The following FLT3 variants were observed in gnomAD, a reference collection of about 807,000 sequenced individuals.
The protein encoded by FLT3 is receptor-type tyrosine-protein kinase FLT3.
FLT3 carries 46 observed loss-of-function variants against 126.6 expected under a neutral mutation model. The observed-to-expected ratio is 0.36, with a 90% CI of 0.29 to 0.46. The LOEUF (loss-of-function observed/expected upper bound fraction) is 0.46, where lower values mean the gene tolerates loss of function less well. Among genes scored for constraint, FLT3 ranks in the 20% least tolerant of loss-of-function variants. The pLI, the probability that FLT3 is intolerant of heterozygous loss-of-function variation, is 1.00. For missense variants in FLT3, 1,069 were observed against 1,190.3 expected, an observed-to-expected ratio of 0.90 and a Z score of 1.50; for synonymous variants, 404 against 434.4, an observed-to-expected ratio of 0.93 and a Z score of 0.87.
intron 4 of FLT3, among the ~76,000 whole-genome samples, chr13:28,053,136 A>C (rs1297708170): frequency 6.6e-6 from 1 of 151,050 alleles, no homozygotes; most frequent in Non-Finnish European, 1.5e-5. Context: ...TTGCAACAGA[A>C]CTTAAGAGGT....
At chr13:28,018,071 A>G (rs912476681) in intron 20 of FLT3, among the ~76,000 whole-genome samples, 1 of 152,226 alleles carries the variant, frequency 6.6e-6, no homozygotes, top group Non-Finnish European at 1.5e-5. Context: ...TATGTGCTAT[A>G]TATGTTTTAA....
At chr13:28,030,493 C>T (rs1361279998) in intron 15 of FLT3, among the ~76,000 whole-genome samples, 3 of 152,112 alleles carry the variant, frequency 2.0e-5, no homozygotes, top group Non-Finnish European at 4.4e-5. Flanking sequence ...AGACACAACC[C>T]TTGTCTTCCT....
chr13:28,036,003 C>T lies in FLT3; in HGVS notation c.1350G>A (p.Ala450=), dbSNP rs139619024. 29 of 1,614,026 alleles carry T rather than the reference C, an allele frequency of 1.8e-5. No individual in the cohort carries two copies. Among genetic ancestry groups the T allele is most frequent in the Admixed American group, 6.7e-5 (4 of 59,990 alleles). ...QVLAEASASQ[A]SCFSDGYPLP... is the part of the protein sequence containing the mutation. ...ATGGGTATCCATCCGAGAAACAGGA[C>T]GCCTGACTTGCCGATGCTTCTGCGA... The change falls in exon 11 of 24, where the codon GCG becomes GCA. Residue 450 remains alanine, a synonymous_variant. Coordinates refer to ENST00000241453, the MANE Select transcript of FLT3 (RefSeq NM_004119.3).
At chr13:28,081,832 T>C (rs1878334155) in intron 1 of FLT3, among the ~76,000 whole-genome samples, 3 of 150,150 alleles carry the variant, frequency 2.0e-5, no homozygotes, top group Non-Finnish European at 1.5e-5. Context: ...CTTTGATTTT[T>C]TTACTTTGAT....
intron 1 of FLT3, among the ~76,000 whole-genome samples, chr13:28,071,983 T>C (rs978655775): frequency 2.6e-5 from 4 of 152,184 alleles, no homozygotes; most frequent in African/African-American, 9.6e-5. Flanking sequence ...CTTTATCTGC[T>C]TTAAAGCTCT....
rs35243277 is a variant in FLT3 at position 28,081,844 on chromosome 13, C to CTTTTTTTTTTTTTTTTTTTTTTTT, written c.44-11256_44-11233dup. Among the ~76,000 whole-genome samples, 5 of 64,988 alleles carry CTTTTTTTTTTTTTTTTTTTTTTTT rather than the reference C, an allele frequency of 7.7e-5. 1 individual carries two copies. The highest frequency in any genetic ancestry group is 2.8e-4 in the African/African-American group (4 of 14,412). The allele number at this position is 64,988 out of a possible 152,430, so 42.6% of individuals were successfully genotyped here. On this transcript the variant is annotated intron_variant, in intron 1 of 23. Transcript: ENST00000241453. ...TTACTTTGATTTTTTTACTTTGATT[C>CTTTTTTTTTTTTTTTTTTTTTTTT]TTTTTTTTTTTTTTTTTTTTTTTTT...
intron 1 of FLT3, among the ~76,000 whole-genome samples, chr13:28,076,940 C>T (rs928956634): frequency 8.8e-6 from 1 of 113,506 alleles, no homozygotes; most frequent in African/African-American, 3.3e-5. Flanking sequence ...GGTGACAGAG[C>T]AAGAGGGAAG....
At chr13:28,070,442 C>A in intron 2 of FLT3, 49 bp downstream of exon 2, 1 of 1,532,434 alleles carries the variant, frequency 6.5e-7, no homozygotes, top group Non-Finnish European at 9.0e-7. Context: ...TTACAAATTA[C>A]GTTCTCTAGA....
chr13:28,081,844 C>CTTTTTTTTTT lies in FLT3; in HGVS notation c.44-11242_44-11233dup, dbSNP rs35243277. ...TTACTTTGATTTTTTTACTTTGATT[C>CTTTTTTTTTT]TTTTTTTTTTTTTTTTTTTTTTTTT... On this transcript the variant is annotated intron_variant, in intron 1 of 23. Transcript: ENST00000241453. Among the ~76,000 whole-genome samples, 88 of 64,988 alleles carry CTTTTTTTTTT rather than the reference C, an allele frequency of 1.4e-3. 14 individuals carry two copies. Among genetic ancestry groups the CTTTTTTTTTT allele is most frequent in the African/African-American group, 4.6e-3 (66 of 14,412 alleles). 42.6% of individuals were successfully genotyped at this position (64,988 alleles called of 152,430 possible).
chr13:28,086,664 T>C (rs1200229341), intron 1 of FLT3, among the ~76,000 whole-genome samples: 2 of 112,506 alleles, frequency 1.8e-5, no homozygotes, highest in African/African-American at 7.7e-5. Context: ...GTGTGTGTGT[T>C]TGAGATGGAG....
At chr13:28,082,466 T>A (rs546443195) in intron 1 of FLT3, among the ~76,000 whole-genome samples, 4 of 152,040 alleles carry the variant, frequency 2.6e-5, no homozygotes, top group African/African-American at 9.6e-5. Context: ...CCTAGTCTTT[T>A]ATTTTTTGTT....
chr13:28,028,210 A>G lies in FLT3; in HGVS notation c.2021T>C (p.Ile674Thr), dbSNP rs748106520. ...MMTQLGSHEN[I>T]VNLLGACTLS... ...TGTGCACGCCCCCAGCAGGTTCACA[A>G]TATTCTCGTGGCTTCCCAGCTGGGT... Residue 674 changes from isoleucine (I) to threonine (T), a missense_variant, in exon 16 of 24, where the codon ATT becomes ACT. Ile to Thr is a moderately conservative substitution (Grantham distance 89). Coordinates refer to ENST00000241453, the MANE Select transcript of FLT3 (RefSeq NM_004119.3). The G allele has an allele frequency of 1.9e-6, 3 of 1,610,426 alleles. No homozygotes were observed. Among genetic ancestry groups the G allele is most frequent in the African/African-American group, 1.3e-5 (1 of 74,834 alleles).
At chr13:28,043,657 T>A (rs1874585532) in intron 9 of FLT3, among the ~76,000 whole-genome samples, 1 of 152,236 alleles carries the variant, frequency 6.6e-6, no homozygotes, top group Non-Finnish European at 1.5e-5. Context: ...TATTTCAACT[T>A]ATTAGTAAAT....
At chr13:28,011,217 T>C (rs1225015478) in intron 23 of FLT3, among the ~76,000 whole-genome samples, 1 of 144,566 alleles carries the variant, frequency 6.9e-6, no homozygotes, top group East Asian at 2.1e-4. Flanking sequence ...GGCTGAGGCA[T>C]AAGAATTGCT....
At chr13:28,008,017 T>C (rs1871060244) in intron 23 of FLT3, among the ~76,000 whole-genome samples, 1 of 152,076 alleles carries the variant, frequency 6.6e-6, no homozygotes, top group Non-Finnish European at 1.5e-5. Context: ...TTCTTCTTTA[T>C]TGTTGTTTGT....
intron 1 of FLT3, among the ~76,000 whole-genome samples, chr13:28,083,362 G>A (rs988183051): frequency 6.6e-6 from 1 of 151,984 alleles, no homozygotes; most frequent in African/African-American, 2.4e-5. Context: ...GACATCACCT[G>A]TTATCTTTTT....
rs1277296247 is a variant in FLT3 at position 28,035,556 on chromosome 13, G to C, written c.1536C>G (p.Val512=). ...NMSEAIKGFL[V]KCCAYNSLGT... ...CAAGGGAATTGTATGCACAGCACTT[G>C]ACCAGGAACCCTTTTATGGCTTCAC... The change falls in exon 12 of 24, where the codon GTC becomes GTG. Residue 512 remains valine (V), a synonymous_variant. Coordinates refer to ENST00000241453, the MANE Select transcript of FLT3 (RefSeq NM_004119.3). 2.5e-6 allele frequency: 4 copies of C among 1,614,130 alleles called. No individual in the cohort carries two copies. In the South Asian group the frequency reaches 3.3e-5, roughly 13 times the overall value.
intron 1 of FLT3, among the ~76,000 whole-genome samples, chr13:28,099,883 C>T (rs576519752): frequency 9.7e-4 from 148 of 152,306 alleles, no homozygotes; most frequent in African/African-American, 3.4e-3. Flanking sequence ...ATAATATTTC[C>T]TAGGTAAACT....
At chr13:28,089,300 C>T (rs1427304838) in intron 1 of FLT3, among the ~76,000 whole-genome samples, 1 of 152,204 alleles carries the variant, frequency 6.6e-6, no homozygotes, top group African/African-American at 2.4e-5. Context: ...TTGGCAGTTT[C>T]TCATGAGGTT....
Sources: allele counts gnomAD v4.1 joint callset (sites outside exome capture counted in the v4.1 genomes callset), GRCh38; gene constraint gnomAD v4.1.1; transcripts MANE v1.5; gene names NCBI Gene and HGNC (gene_info 2026-07-23, HGNC 2026-07-21).